RDH13: variants seen among roughly 807,000 people sequenced by gnomAD.
RDH13 encodes the protein retinol dehydrogenase 13, also known as retinol dehydrogenase 13 (all-trans and 9-cis).
A neutral mutation model predicts 28.3 loss-of-function variants in RDH13; 35 were observed. That is an observed-to-expected ratio of 1.24 (90% CI 0.95 to 1.64). The LOEUF (loss-of-function observed/expected upper bound fraction) is 1.64, where lower values mean the gene tolerates loss of function less well. Ranked by LOEUF, RDH13 falls within the 40% of genes most tolerant of loss-of-function variation. The probability of loss-of-function intolerance (pLI) is 0.00; values close to 1 mark genes in which losing one functional copy is unlikely to be tolerated. For missense variants in RDH13, 514 were observed against 446.3 expected (o/e 1.15, Z -1.37); for synonymous variants, 229 against 198.5 (o/e 1.15, Z -1.29).
At chr19:55,068,286 A>G (rs971337949) in intron 1 of RDH13, 2 of 152,360 alleles carry the variant, frequency 1.3e-5, no homozygotes, top group African/African-American at 4.8e-5. Context: ...CTTTAATCCC[A>G]GCACTTTGAG....
At chr19:55,052,691 T>G (rs1415241068) in intron 3 of RDH13, among the ~76,000 whole-genome samples, 1 of 151,012 alleles carries the variant, frequency 6.6e-6, no homozygotes, top group South Asian at 2.1e-4. Context: ...AGATGGAGTC[T>G]CACTCTGTCA....
chr19:55,047,934 TG>T (rs2075292337), intron 5 of RDH13: 1 of 713,598 alleles, frequency 1.4e-6, no homozygotes, highest in Non-Finnish European at 2.1e-6. Flanking sequence ...TGAGAGCATC[TG>T]GGCCTTTACC....
downstream of RDH13, chr19:55,041,310 A>G (rs1297665540): frequency 3.3e-5 from 5 of 152,190 alleles, no homozygotes; most frequent in African/African-American, 1.2e-4. Context: ...TACATAAAAA[A>G]TCAAATGCAA....
chr19:55,060,242 T>A (rs1013607243), intron 1 of RDH13, among the ~76,000 whole-genome samples: 5 of 151,476 alleles, frequency 3.3e-5, no homozygotes, highest in African/African-American at 1.2e-4. Context: ...AACCTGATTG[T>A]ACATTTGTTC....
intron 5 of RDH13, chr19:55,048,034 G>A: frequency 2.1e-6 from 3 of 1,450,230 alleles, no homozygotes; most frequent in South Asian, 1.4e-5. Flanking sequence ...ACTGCCCCTG[G>A]TTGAGACTCA....
At chr19:55,047,174 C>T in intron 6 of RDH13, 1 of 1,396,784 alleles carries the variant, frequency 7.2e-7, no homozygotes, top group East Asian at 2.6e-5. Context: ...TTCTCATCCG[C>T]CAGCAGGGCT....
intron 1 of RDH13, chr19:55,068,626 G>C (rs1241738145): frequency 6.6e-6 from 1 of 151,206 alleles, no homozygotes; most frequent in Non-Finnish European, 1.5e-5. Context: ...ACGAGGTCAG[G>C]AGATCGAGAC....
At chr19:55,058,401 A>C (rs931748054) in intron 2 of RDH13, among the ~76,000 whole-genome samples, 8 of 151,628 alleles carry the variant, frequency 5.3e-5, no homozygotes, top group East Asian at 1.9e-4. Flanking sequence ...AAAAAAAAAA[A>C]CAATAATAAT....
chr19:55,049,879 AGG>A (rs1269348062), intron 3 of RDH13, among the ~76,000 whole-genome samples: 2 of 149,956 alleles, frequency 1.3e-5, no homozygotes, highest in Non-Finnish European at 3.0e-5. Flanking sequence ...GCCCTCAGGG[AGG>A]ATCCGCTCTG....
At position 55,056,686 on chromosome 19, in the gene RDH13, A is replaced by G; in HGVS notation, c.307T>C (p.Ser103Pro). 1 of 1,613,950 alleles carries G rather than the reference A, an allele frequency of 6.2e-7. No individual in the cohort carries two copies. Among genetic ancestry groups the G allele is most frequent in the Non-Finnish European group, 8.5e-7 (1 of 1,179,994 alleles). ...ATCTTTGCTGCAAACTCTCGGATAG[A>G]CTTGAGGGAAGCCAAGTCCAGGTGC... ...ARHLDLASLK[S>P]IREFAAKIIE... Residue 103 changes from serine to proline, a missense_variant, in exon 3 of 7, where the codon TCT becomes CCT. By Grantham distance (74) the Ser-to-Pro change is moderately conservative (BLOSUM62 -1). Transcript: ENST00000415061.
intron 5 of RDH13, chr19:55,048,071 C>A: frequency 2.0e-6 from 3 of 1,486,920 alleles, no homozygotes; most frequent in Non-Finnish European, 2.7e-6. Flanking sequence ...GGCTGAGCTG[C>A]CTGCCCAACA....
chr19:55,056,820 G>C lies in RDH13; in HGVS notation c.185-12C>G. ...GATGATGTTGCCTCCTGAAAACCCA[G>C]GATGGAAAAAGATTTAAATTAATAA... On this transcript the variant is annotated splice_polypyrimidine_tract_variant and intron_variant, in intron 2 of 6. Coordinates refer to ENST00000415061, the MANE Select transcript of RDH13 (RefSeq NM_001145971.2). 1 of 1,609,836 alleles carries C rather than the reference G, an allele frequency of 6.2e-7. No homozygotes were observed. The highest frequency in any genetic ancestry group is 8.5e-7 in the Non-Finnish European group (1 of 1,177,340).
downstream of RDH13, chr19:55,042,669 C>T (rs754183535): frequency 7.9e-5 from 12 of 152,194 alleles, no homozygotes; most frequent in Non-Finnish European, 1.8e-4. Flanking sequence ...GGGTAGTCTT[C>T]CAATTCCCCC....
In RDH13 at chr19:55,051,674, C is replaced by T. The variant is rs572282126; in HGVS notation, c.341-2911G>A. Among the ~76,000 whole-genome samples, 11 of 151,730 alleles carry T rather than the reference C, an allele frequency of 7.2e-5. No individual in the cohort carries two copies. The South Asian group carries it at 1.3e-3, about 17-fold the overall frequency. ...TGAATTCTTCACCTCGTGATCCACC[C>T]GCCTCTGCCTCCCAAAGTGCAGGGA... On this transcript the variant is annotated intron_variant, in intron 3 of 6. Coordinates refer to ENST00000415061, the MANE Select transcript of RDH13 (RefSeq NM_001145971.2).
chr19:55,048,155 C>T (rs1953200494), intron 5 of RDH13, 174 bp downstream of exon 5: 6 of 1,534,284 alleles, frequency 3.9e-6, no homozygotes, highest in South Asian at 2.4e-5. Context: ...GAAGAACGAT[C>T]GATTAGTGAT....
At position 55,056,529 on chromosome 19, in the gene RDH13, G is replaced by T. The variant is rs1046509785; in HGVS notation, c.340+124C>A. ...ACAAAAAAAGGCAGCAACTGGACTT[G>T]GCCCCTAACTCATAGTTTGCCAAAA... On this transcript the variant is annotated intron_variant, in intron 3 of 6. Coordinates refer to ENST00000415061, the MANE Select transcript of RDH13 (RefSeq NM_001145971.2). 2.2e-5 allele frequency: 27 copies of T among 1,203,226 alleles called. No individual in the cohort carries two copies. The African/African-American group carries it at 4.0e-4, about 18-fold the overall frequency. The allele number at this position is 1,203,226 out of a possible 1,614,324, so 74.5% of individuals were successfully genotyped here.
At chr19:55,048,877 A>C in intron 3 of RDH13, 114 bp from the exon 4 acceptor site, 1 of 945,426 alleles carries the variant, frequency 1.1e-6, no homozygotes, top group Non-Finnish European at 1.7e-6. Context: ...TGTGCCGGAA[A>C]CAGGGTCTGT....
upstream of RDH13, among the ~76,000 whole-genome samples, chr19:55,065,678 T>C (rs557554593): frequency 2.6e-5 from 4 of 151,668 alleles, no homozygotes; most frequent in Admixed American, 2.0e-4. Context: ...AGCACAGCTG[T>C]GTTCCCATAA....
intron 1 of RDH13, 74 bp downstream of exon 1, chr19:55,062,894 G>T: frequency 7.9e-7 from 1 of 1,260,712 alleles, no homozygotes; most frequent in Non-Finnish European, 1.0e-6. Context: ...GAGGGGCGGG[G>T]GTCTCCGCCG....
Sources: allele counts gnomAD v4.1 joint callset (sites outside exome capture counted in the v4.1 genomes callset), GRCh38; gene constraint gnomAD v4.1.1; transcripts MANE v1.5; gene names NCBI Gene and HGNC (gene_info 2026-07-23, HGNC 2026-07-21).